FOXP1: variants seen among roughly 807,000 people sequenced by gnomAD.
The protein encoded by FOXP1 is forkhead box P1.
A neutral mutation model predicts 98.2 loss-of-function variants in FOXP1; 15 were observed. That is an observed-to-expected ratio of 0.15 (90% confidence interval 0.10 to 0.24). The LOEUF is 0.24. FOXP1 is among the 10% of genes least tolerant of loss of function. FOXP1 has a pLI of 1.00. For synonymous variants in FOXP1, 371 were observed against 314.5 expected (o/e 1.18, Z -1.90); for missense variants, 633 against 848.5 (o/e 0.75, Z 3.15).
At chr3:71,178,679 C>T (rs2062094224) in intron 6 of FOXP1, among the ~76,000 whole-genome samples, 1 of 151,568 alleles carries the variant, frequency 6.6e-6, no homozygotes, top group African/African-American at 2.4e-5. Flanking sequence ...GTCAGGAGAT[C>T]GAGACCATCC....
At chr3:71,092,957 A>G (rs1249513030) in intron 7 of FOXP1, among the ~76,000 whole-genome samples, 2 of 152,192 alleles carry the variant, frequency 1.3e-5, no homozygotes, top group Non-Finnish European at 2.9e-5. Context: ...CATATTTACC[A>G]AATGCTTTAA....
chr3:71,026,936 TA>T (rs1449040655), intron 11 of FOXP1, among the ~76,000 whole-genome samples: 1 of 152,056 alleles, frequency 6.6e-6, no homozygotes, highest in African/African-American at 2.4e-5. Context: ...AAGGAATAAA[TA>T]AAGGAAAAGA....
intron 11 of FOXP1, among the ~76,000 whole-genome samples, chr3:71,031,784 CAACAA>C (rs956999212): frequency 2.0e-5 from 3 of 152,042 alleles, no homozygotes; most frequent in African/African-American, 7.2e-5. Flanking sequence ...AGAGCAAGAA[CAACAA>C]AACCCACTAA....
At chr3:71,198,432 G>GGGGGGGGGGGGGGCCCCCCCCCCC in intron 5 of FOXP1, 40 bp from the exon 6 acceptor site, 1 of 491,034 alleles carries the variant, frequency 2.0e-6, no homozygotes. Context: ...GGGAGGGGGG[G>GGGGGGGGGGGGGGCCCCCCCCCCC]AGAAAAAAAA....
chr3:71,487,737 A>G (rs2090762438), intron 3 of FOXP1, among the ~76,000 whole-genome samples: 1 of 152,258 alleles, frequency 6.6e-6, no homozygotes, highest in African/African-American at 2.4e-5. Flanking sequence ...AGTCTGCCCA[A>G]TACATTAAAA....
chr3:70,988,229 C>T (rs775029273), intron 13 of FOXP1, 152 bp from the exon 14 acceptor site: 68 of 773,050 alleles, frequency 8.8e-5, no homozygotes, highest in Non-Finnish European at 1.4e-4. Flanking sequence ...ATGACCATTG[C>T]CAAACTCGAA....
In FOXP1 at chr3:71,112,586, C is replaced by T. The variant is rs985304374; in HGVS notation, c.232G>A (p.Val78Ile). Residue 78 changes from valine to isoleucine, a missense_variant, in exon 7 of 21, where the codon GTT becomes ATT. Around this residue, in one of 6 missense-constraint regions of FOXP1, gnomAD observed 210 missense variants for 270.6 expected, o/e 0.78. Coordinates refer to ENST00000649528, the MANE Select transcript of FOXP1 (RefSeq NM_001349338.3). Reference sequence around the variant, plus strand: ...CTCTTGGGAGATTTTAATCCACTAACTTGCTGCTGCTGTTGCTGCTGAAGA... The same window carrying T: ...CTCTTGGGAGATTTTAATCCACTAATTTGCTGCTGCTGTTGCTGCTGAAGA... ...LLLQQQQQQQ[V>I]SGLKSPKRND... is the part of the protein sequence containing the mutation. 11 of 1,614,028 alleles carry T rather than the reference C, an allele frequency of 6.8e-6. No individual in the cohort carries two copies. The highest frequency in any genetic ancestry group is 5.3e-5 in the African/African-American group (4 of 74,946).
chr3:71,396,481 G>C (rs1485021972), intron 3 of FOXP1, among the ~76,000 whole-genome samples: 2 of 152,086 alleles, frequency 1.3e-5, no homozygotes, highest in African/African-American at 4.8e-5. Context: ...ATTTGACCCA[G>C]GAAGTCTGAG....
intron 13 of FOXP1, among the ~76,000 whole-genome samples, chr3:70,991,663 G>A (rs2040620019): frequency 6.6e-6 from 1 of 152,158 alleles, no homozygotes; most frequent in South Asian, 2.1e-4. Flanking sequence ...GACTTCTTGA[G>A]GACAGATGAG....
chr3:71,420,256 A>G (rs1056699588), intron 3 of FOXP1, among the ~76,000 whole-genome samples: 1 of 152,224 alleles, frequency 6.6e-6, no homozygotes. Flanking sequence ...GGTATATTAT[A>G]CTACAAATGT....
chr3:71,162,443 C>CCT (rs1482566188), intron 6 of FOXP1, among the ~76,000 whole-genome samples: 1 of 152,190 alleles, frequency 6.6e-6, no homozygotes, highest in Non-Finnish European at 1.5e-5. Context: ...TTTATTCTGA[C>CCT]TGAAGGGGGA....
chr3:70,984,255 T>G (rs1040004370), intron 14 of FOXP1, among the ~76,000 whole-genome samples: 1 of 152,216 alleles, frequency 6.6e-6, no homozygotes, highest in Non-Finnish European at 1.5e-5. Flanking sequence ...TGTTGGCTAT[T>G]CCTTTTCTTC....
At chr3:71,551,965 T>G (rs2045813873) in intron 2 of FOXP1, among the ~76,000 whole-genome samples, 1 of 152,184 alleles carries the variant, frequency 6.6e-6, no homozygotes, top group Admixed American at 6.5e-5. Context: ...TTTAGTGCCT[T>G]TATTTTATCC....
rs2058043376 is a variant in FOXP1, at chr3:71,112,715, G to T, written c.181-78C>A. 5.6e-6 allele frequency: 6 copies of T among 1,074,718 alleles called. No homozygotes were observed. The South Asian group carries it at 7.5e-5, about 13-fold the overall frequency. The allele number at this position is 1,074,718 out of a possible 1,614,324, so 66.6% of individuals were successfully genotyped here. ...TCTTCATAAAAAAGGATTCCAGGAAGTGCGCTTTGGGACTGGGTCCTGACT... is the reference window on the plus strand; with the variant it reads ...TCTTCATAAAAAAGGATTCCAGGAATTGCGCTTTGGGACTGGGTCCTGACT... On this transcript the variant is annotated intron_variant, in intron 6 of 20. Transcript: ENST00000649528.
intron 4 of FOXP1, among the ~76,000 whole-genome samples, chr3:71,323,574 A>G (rs1320472740): frequency 6.6e-6 from 1 of 152,166 alleles, no homozygotes; most frequent in Non-Finnish European, 1.5e-5. Context: ...TTGGGAGGGG[A>G]AGAGTGTGTA....
At chr3:71,088,878 A>G (rs1365945695) in intron 7 of FOXP1, among the ~76,000 whole-genome samples, 1 of 152,108 alleles carries the variant, frequency 6.6e-6, no homozygotes, top group Non-Finnish European at 1.5e-5. Context: ...TCTTTTGTCA[A>G]TCTCTCTTTC....
chr3:70,961,208 T>C (rs999331341), intron 20 of FOXP1, among the ~76,000 whole-genome samples: 7 of 151,960 alleles, frequency 4.6e-5, no homozygotes, highest in African/African-American at 1.7e-4. Flanking sequence ...TTACATTTTA[T>C]GTATGGCTCT....
chr3:71,550,992 T>A (rs1489151262), intron 2 of FOXP1, among the ~76,000 whole-genome samples: 1 of 152,084 alleles, frequency 6.6e-6, no homozygotes, highest in African/African-American at 2.4e-5. Flanking sequence ...GGAGACAAAT[T>A]ATATAACTAG....
intron 1 of FOXP1, chr3:71,581,907 G>C (rs967588056): frequency 1.7e-5 from 17 of 983,616 alleles, no homozygotes; most frequent in African/African-American, 3.5e-5. Flanking sequence ...ATCGGCCCGA[G>C]CCAAAGTCTC....
Sources: gnomAD v4.1 joint callset for allele counts (sites outside exome capture counted in the v4.1 genomes callset) on GRCh38, gnomAD v4.1.1 for gene constraint, gnomAD v4.1.1 regional missense constraint, MANE v1.5 for transcripts, NCBI Gene and HGNC (gene_info 2026-07-23, HGNC 2026-07-21) for gene names.